The following DLC1 variants were observed in gnomAD, a reference collection of about 807,000 sequenced individuals.
DLC1 encodes rho GTPase-activating protein 7.
A neutral mutation model predicts 140.3 loss-of-function variants in DLC1; 54 were observed. The ratio of observed to expected loss-of-function variants is 0.38; its 90% CI spans 0.31 to 0.48. The LOEUF is 0.48. DLC1 is among the 20% of genes least tolerant of loss of function. The pLI is 0.96. For missense variants in DLC1, 2,536 were observed against 1,907.0 expected (o/e 1.33, Z -6.14); for synonymous variants, 986 against 728.1 (o/e 1.35, Z -5.70).
At chr8:13,488,402 C>T (rs532008840) in intron 2 of DLC1, among the ~76,000 whole-genome samples, 3 of 152,074 alleles carry the variant, frequency 2.0e-5, no homozygotes, top group Non-Finnish European at 4.4e-5. Flanking sequence ...ATAAAGCCAG[C>T]ATCATTTTCA....
intron 5 of DLC1, among the ~76,000 whole-genome samples, chr8:13,202,647 G>T (rs1280299854): frequency 6.6e-6 from 1 of 151,818 alleles, no homozygotes; most frequent in African/African-American, 2.4e-5. Context: ...CAAAACTGAA[G>T]TTCCCCCCAC....
chr8:13,167,142 A>G (rs1563130055), intron 5 of DLC1, among the ~76,000 whole-genome samples: 2 of 152,186 alleles, frequency 1.3e-5, no homozygotes, highest in African/African-American at 2.4e-5. Flanking sequence ...AGTGGAAACA[A>G]CCTGTGTACA....
At chr8:13,260,837 T>G (rs1043652577) in intron 5 of DLC1, among the ~76,000 whole-genome samples, 2 of 152,204 alleles carry the variant, frequency 1.3e-5, no homozygotes, top group Admixed American at 1.3e-4. Flanking sequence ...TTTGATTGAT[T>G]CAGAAAAAAT....
At chr8:13,117,362 C>T (rs998127178) in intron 5 of DLC1, among the ~76,000 whole-genome samples, 1 of 152,032 alleles carries the variant, frequency 6.6e-6, no homozygotes, top group Non-Finnish European at 1.5e-5. Context: ...CCTGTAGTCC[C>T]AGCTACTCTG....
chr8:13,504,744 G>T (rs1801977260), intron 1 of DLC1, among the ~76,000 whole-genome samples: 1 of 152,144 alleles, frequency 6.6e-6, no homozygotes, highest in Admixed American at 6.5e-5. Flanking sequence ...GGGAAATTAT[G>T]TCTGCCTTAA....
At chr8:13,259,277 A>G (rs1417753887) in intron 5 of DLC1, among the ~76,000 whole-genome samples, 5 of 152,196 alleles carry the variant, frequency 3.3e-5, no homozygotes, top group Non-Finnish European at 7.3e-5. Flanking sequence ...ATCCAACACA[A>G]TAAATTATAA....
Position 13,261,235 on chromosome 8 carries a change from T to C in DLC1, c.1348+44034A>G, listed in dbSNP as rs180742265. ...GACTGGCCTCTCAGTAGAGGTAACA[T>C]TTCAGCAGAGACCTGGACAAAGTAA... On this transcript the variant is annotated intron_variant, in intron 5 of 17. Transcript: ENST00000276297. Among the ~76,000 whole-genome samples, 13 of 152,228 alleles carry C rather than the reference T, an allele frequency of 8.5e-5. No individual in the cohort carries two copies. The East Asian group carries it at 2.5e-3, about 29-fold the overall frequency.
At chr8:13,455,929 C>A (rs181611173) in intron 2 of DLC1, among the ~76,000 whole-genome samples, 15 of 152,148 alleles carry the variant, frequency 9.9e-5, no homozygotes, top group African/African-American at 3.6e-4. Context: ...GGAACTGAAA[C>A]AATGTAGATA....
intron 2 of DLC1, among the ~76,000 whole-genome samples, chr8:13,438,531 C>T (rs1221545402): frequency 4.6e-5 from 7 of 152,130 alleles, no homozygotes; most frequent in African/African-American, 1.7e-4. Context: ...TCCTGATTTA[C>T]TGTAGCTGAG....
At chr8:13,183,549 C>A (rs541336176) in intron 5 of DLC1, among the ~76,000 whole-genome samples, 1 of 152,128 alleles carries the variant, frequency 6.6e-6, no homozygotes. Flanking sequence ...TTGTTGAAGG[C>A]CTTTTCTGCA....
At chr8:13,577,585 A>T (rs1051504324) in intron 1 of DLC1, among the ~76,000 whole-genome samples, 1 of 152,210 alleles carries the variant, frequency 6.6e-6, no homozygotes, top group African/African-American at 2.4e-5. Flanking sequence ...ATCTCAGTAC[A>T]TGCTAAATTA....
At chr8:13,343,596 C>G (rs1484603913) in intron 4 of DLC1, among the ~76,000 whole-genome samples, 1 of 152,064 alleles carries the variant, frequency 6.6e-6, no homozygotes, top group Non-Finnish European at 1.5e-5. Context: ...GTTGTTATCC[C>G]CATTTTGTCC....
chr8:13,321,983 G>T (rs1040877586), intron 4 of DLC1, among the ~76,000 whole-genome samples: 5 of 151,970 alleles, frequency 3.3e-5, no homozygotes, highest in African/African-American at 1.2e-4. Flanking sequence ...CATTTTCATA[G>T]ATCCTCTATT....
chr8:13,376,863 A>G (rs1389126624), intron 4 of DLC1, among the ~76,000 whole-genome samples: 3 of 152,174 alleles, frequency 2.0e-5, no homozygotes, highest in East Asian at 3.8e-4. Context: ...CTGGGTCAGG[A>G]TTCTTCACCT....
At chr8:13,190,084 C>T (rs973782480) in intron 5 of DLC1, among the ~76,000 whole-genome samples, 11 of 152,184 alleles carry the variant, frequency 7.2e-5, no homozygotes, top group Non-Finnish European at 4.4e-5. Context: ...AACTCTAATG[C>T]AATTTTTTAT....
At chr8:13,307,793 C>T (rs1285765422) in intron 4 of DLC1, among the ~76,000 whole-genome samples, 1 of 152,112 alleles carries the variant, frequency 6.6e-6, no homozygotes, top group Non-Finnish European at 1.5e-5. Context: ...CTGTAAAATC[C>T]TGGAAGGTAA....
At chr8:13,373,440 A>T (rs1835817808) in intron 4 of DLC1, among the ~76,000 whole-genome samples, 1 of 152,110 alleles carries the variant, frequency 6.6e-6, no homozygotes, top group Non-Finnish European at 1.5e-5. Context: ...TTCTGGGCTG[A>T]TGATCTCCTC....
At chr8:13,315,234 G>T (rs1299524930) in intron 4 of DLC1, among the ~76,000 whole-genome samples, 1 of 152,182 alleles carries the variant, frequency 6.6e-6, no homozygotes. Flanking sequence ...GAACAAGATG[G>T]TGAGACCCTG....
chr8:13,426,732 A>G (rs1490134074), intron 2 of DLC1, among the ~76,000 whole-genome samples: 2 of 152,050 alleles, frequency 1.3e-5, no homozygotes, highest in Non-Finnish European at 2.9e-5. Context: ...TATGTTCTTC[A>G]TATTTCCTCA....
Sources: gnomAD v4.1 joint callset for allele counts (sites outside exome capture counted in the v4.1 genomes callset) on GRCh38, gnomAD v4.1.1 for gene constraint, MANE v1.5 for transcripts, NCBI Gene and HGNC (gene_info 2026-07-23, HGNC 2026-07-21) for gene names.